SORCS1: variants seen among roughly 807,000 people sequenced by gnomAD.
SORCS1 encodes the protein VPS10 domain-containing receptor SorCS1.
SORCS1 carries 60 observed loss-of-function variants against 146.1 expected under a neutral mutation model. The ratio of observed to expected loss-of-function variants is 0.41; its 90% confidence interval spans 0.33 to 0.51. SORCS1 has a LOEUF of 0.51. SORCS1 is among the 20% of genes least tolerant of loss of function. The probability of loss-of-function intolerance (pLI) is 0.21; values close to 1 mark genes in which losing one functional copy is unlikely to be tolerated. For synonymous variants in SORCS1, 637 were observed against 584.0 expected (o/e 1.09, Z -1.31); for missense variants, 1,352 against 1,487.6 (o/e 0.91, Z 1.50).
chr10:106,826,171 C>T (rs1948295799), intron 3 of SORCS1, among the ~76,000 whole-genome samples: 1 of 152,234 alleles, frequency 6.6e-6, no homozygotes, highest in Admixed American at 6.5e-5. Context: ...CTGCTCTTGT[C>T]CGCACAAATG....
intron 1 of SORCS1, among the ~76,000 whole-genome samples, chr10:107,135,556 C>A (rs1967220141): frequency 6.6e-6 from 1 of 152,174 alleles, no homozygotes; most frequent in Non-Finnish European, 1.5e-5. Context: ...CCTCCTTAAC[C>A]AGCACCTGCC....
chr10:106,835,975 A>C (rs867262637), intron 2 of SORCS1, among the ~76,000 whole-genome samples: 1 of 151,358 alleles, frequency 6.6e-6, no homozygotes, highest in African/African-American at 2.4e-5. Flanking sequence ...ATTGCACTCT[A>C]GCCTGGGCAA....
At chr10:106,967,819 C>T (rs114824471) in intron 1 of SORCS1, among the ~76,000 whole-genome samples, 3,046 of 151,876 alleles carry the variant, frequency 0.02, 98 homozygotes, top group African/African-American at 0.069. Flanking sequence ...TGCTCAAACA[C>T]AGAAAATGCA....
chr10:106,760,584 C>T (rs1325632772), intron 5 of SORCS1, among the ~76,000 whole-genome samples: 2 of 151,808 alleles, frequency 1.3e-5, no homozygotes, highest in South Asian at 2.1e-4. Context: ...ACATTGATCT[C>T]GAACTCCCCA....
chr10:106,722,723 G>A (rs1855870638), intron 6 of SORCS1, among the ~76,000 whole-genome samples: 1 of 152,094 alleles, frequency 6.6e-6, no homozygotes, highest in Admixed American at 6.6e-5. Context: ...TTGCGGGTTG[G>A]GCCTTTTATT....
intron 1 of SORCS1, among the ~76,000 whole-genome samples, chr10:107,042,131 G>T (rs1293424191): frequency 6.6e-6 from 1 of 152,144 alleles, no homozygotes; most frequent in African/African-American, 2.4e-5. Context: ...AATTATCACA[G>T]TAAATAAAAG....
chr10:107,065,077 TTGAC>T (rs1370402127), intron 1 of SORCS1, among the ~76,000 whole-genome samples: 1 of 152,170 alleles, frequency 6.6e-6, no homozygotes, highest in East Asian at 1.9e-4. Flanking sequence ...AAGTATATAA[TTGAC>T]TGACAGGTTG....
intron 23 of SORCS1, among the ~76,000 whole-genome samples, chr10:106,605,181 T>C (rs1317614062): frequency 6.6e-6 from 1 of 152,184 alleles, no homozygotes; most frequent in East Asian, 1.9e-4. Context: ...AGGGCCACAC[T>C]CAGCTCTCTG....
intron 1 of SORCS1, among the ~76,000 whole-genome samples, chr10:107,161,562 C>T (rs746140371): frequency 2.0e-5 from 3 of 152,054 alleles, no homozygotes; most frequent in Non-Finnish European, 2.9e-5. Context: ...TTAATCTGAC[C>T]GGCATAGCCC....
intron 18 of SORCS1, among the ~76,000 whole-genome samples, chr10:106,647,606 G>A (rs532166691): frequency 4.6e-5 from 7 of 152,282 alleles, no homozygotes; most frequent in South Asian, 4.1e-4. Context: ...GCAATTCAGC[G>A]TGAAATGAAC....
chr10:107,096,450 CA>C (rs1210409942), intron 1 of SORCS1, among the ~76,000 whole-genome samples: 2 of 152,174 alleles, frequency 1.3e-5, no homozygotes, highest in Non-Finnish European at 2.9e-5. Context: ...TTAGCTTTAG[CA>C]AAACAACTTA....
chr10:106,955,576 A>G (rs981435604), intron 2 of SORCS1, among the ~76,000 whole-genome samples: 1 of 152,184 alleles, frequency 6.6e-6, no homozygotes, highest in African/African-American at 2.4e-5. Flanking sequence ...TCCATACTCT[A>G]TATGTGTGAA....
chr10:106,964,531 G>C (rs546116316), intron 1 of SORCS1, among the ~76,000 whole-genome samples: 12 of 152,088 alleles, frequency 7.9e-5, no homozygotes, highest in African/African-American at 2.9e-4. Context: ...TTGTCACCCA[G>C]GCTGGAGTGC....
intron 1 of SORCS1, among the ~76,000 whole-genome samples, chr10:107,139,904 G>A (rs996181157): frequency 7.9e-5 from 12 of 152,252 alleles, no homozygotes; most frequent in Non-Finnish European, 1.6e-4. Flanking sequence ...CATCAGTCCC[G>A]TTTTGCCTTT....
intron 5 of SORCS1, among the ~76,000 whole-genome samples, chr10:106,736,750 T>C (rs1212058447): frequency 6.6e-6 from 1 of 152,150 alleles, no homozygotes; most frequent in Non-Finnish European, 1.5e-5. Context: ...ATTTAACCTC[T>C]CCCTTTAGCC....
At chr10:106,993,896 A>T (rs1472125917) in intron 1 of SORCS1, among the ~76,000 whole-genome samples, 1 of 151,946 alleles carries the variant, frequency 6.6e-6, no homozygotes, top group East Asian at 1.9e-4. Context: ...AACATGGTGA[A>T]ACCCCATCTC....
At chr10:106,716,344 G>T (rs1440407498) in intron 6 of SORCS1, among the ~76,000 whole-genome samples, 1 of 152,144 alleles carries the variant, frequency 6.6e-6, no homozygotes, top group Non-Finnish European at 1.5e-5. Context: ...CTCTGAGAAG[G>T]TCATCAACCA....
Position 106,794,888 on chromosome 10 carries a change from C to T in SORCS1, c.727-18196G>A, listed in dbSNP as rs541003346. On this transcript the variant is annotated intron_variant, in intron 3 of 25. Coordinates refer to ENST00000263054, the MANE Select transcript of SORCS1 (RefSeq NM_052918.5). ...TTCATCTACAATTACCTGTGTAAGTCAATAGGTATTTGAGTTGAGACTCCT... is the reference window on the plus strand; with the variant it reads ...TTCATCTACAATTACCTGTGTAAGTTAATAGGTATTTGAGTTGAGACTCCT... Among the ~76,000 whole-genome samples, 13 of 152,286 alleles carry T rather than the reference C, an allele frequency of 8.5e-5. No homozygotes were observed. In the South Asian group the frequency reaches 2.1e-3, roughly 24 times the overall value.
At chr10:106,943,854 T>A (rs181714793) in intron 2 of SORCS1, among the ~76,000 whole-genome samples, 1 of 151,988 alleles carries the variant, frequency 6.6e-6, no homozygotes, top group African/African-American at 2.4e-5. Context: ...CTCATCCCCA[T>A]CTCCCATTCC....
Sources: gnomAD v4.1 joint callset for allele counts (sites outside exome capture counted in the v4.1 genomes callset) on GRCh38, gnomAD v4.1.1 for gene constraint, MANE v1.5 for transcripts, NCBI Gene and HGNC (gene_info 2026-07-23, HGNC 2026-07-21) for gene names.